PSME3IP1: variants seen among roughly 807,000 people sequenced by gnomAD.
PSME3IP1 encodes proteasome activator subunit 3 interacting protein 1, also known as PSME3-interacting protein.
PSME3IP1 carries 13 observed loss-of-function variants against 34.1 expected under a neutral mutation model. The observed-to-expected ratio is 0.38, with a 90% CI of 0.25 to 0.61. The LOEUF (loss-of-function observed/expected upper bound fraction) is 0.61, where lower values mean the gene tolerates loss of function less well. Among genes scored for constraint, PSME3IP1 ranks in the 20% least tolerant of loss-of-function variants. PSME3IP1 has a pLI of 0.60. For missense variants in PSME3IP1, 237 were observed against 301.4 expected, an observed-to-expected ratio of 0.79 and a Z score of 1.58; for synonymous variants, 93 against 114.3, an observed-to-expected ratio of 0.81 and a Z score of 1.19.
chr16:57,172,825 C>T lies in PSME3IP1; in HGVS notation c.177G>A (p.Gln59=). The T allele has an allele frequency of 1.2e-6, 2 of 1,613,888 alleles. No individual in the cohort carries two copies. Among genetic ancestry groups the T allele is most frequent in the South Asian group, 1.1e-5 (1 of 91,080 alleles). ...CCTGCTGCTTCCTGTCCTTCTGTTC[C>T]TGTAGCCTTTCATATAGAGATCGAG... The part of the protein sequence containing the change: ...YDPRSLYERL[Q]EQKDRKQQEY... The change falls in exon 3 of 7, where the codon CAG becomes CAA. Residue 59 remains glutamine (Q), a synonymous_variant. Coordinates refer to ENST00000309137, the MANE Select transcript of PSME3IP1 (RefSeq NM_024946.4).
At chr16:57,179,860 T>C (rs2073533540) in intron 1 of PSME3IP1, among the ~76,000 whole-genome samples, 1 of 152,244 alleles carries the variant, frequency 6.6e-6, no homozygotes, top group African/African-American at 2.4e-5. Context: ...CACACTGTAC[T>C]TCAAAATGCA....
intron 1 of PSME3IP1, among the ~76,000 whole-genome samples, chr16:57,178,209 C>A (rs2073370978): frequency 6.6e-6 from 1 of 152,208 alleles, no homozygotes; most frequent in African/African-American, 2.4e-5. Context: ...TTTGCTCAGG[C>A]TGTTCCCTCT....
intron 3 of PSME3IP1, 25 bp downstream of exon 3, chr16:57,172,751 G>A (rs1262922782): frequency 1.3e-6 from 2 of 1,535,228 alleles, no homozygotes; most frequent in Non-Finnish European, 1.8e-6. Context: ...AGAGCCCCTT[G>A]AACTCTCTGT....
At chr16:57,182,261 G>C (rs1445088885) in intron 1 of PSME3IP1, among the ~76,000 whole-genome samples, 1 of 151,972 alleles carries the variant, frequency 6.6e-6, no homozygotes, top group Admixed American at 6.6e-5. Context: ...TCAGAGTTCT[G>C]CAACACTGGT....
chr16:57,166,543 A>G (rs1057412825), intron 5 of PSME3IP1, among the ~76,000 whole-genome samples: 12 of 152,114 alleles, frequency 7.9e-5, no homozygotes, highest in South Asian at 2.1e-4. Context: ...CATCTTTCCA[A>G]TGGTTTCCCC....
intron 1 of PSME3IP1, chr16:57,185,567 C>T (rs1006531435): frequency 2.0e-6 from 2 of 985,422 alleles, no homozygotes; most frequent in African/African-American, 3.5e-5. Flanking sequence ...TGGGGAAACC[C>T]CATTAAACGC....
chr16:57,160,032 A>G (rs1359207426), intron 6 of PSME3IP1, among the ~76,000 whole-genome samples: 4 of 152,212 alleles, frequency 2.6e-5, no homozygotes, highest in Admixed American at 1.3e-4. Context: ...ATTAATTAAA[A>G]GAAAAATATT....
chr16:57,158,191 C>A (rs1338177803), intron 6 of PSME3IP1, among the ~76,000 whole-genome samples: 1 of 152,194 alleles, frequency 6.6e-6, no homozygotes, highest in Non-Finnish European at 1.5e-5. Flanking sequence ...TGGAACATAA[C>A]ATCAAACTAT....
intron 6 of PSME3IP1, 111 bp downstream of exon 6, chr16:57,163,890 G>A (rs1200323743): frequency 2.7e-6 from 3 of 1,115,838 alleles, no homozygotes; most frequent in East Asian, 4.8e-5. Context: ...AGCATAGGTA[G>A]GCTTGCTTGA....
Position 57,154,308 on chromosome 16 carries a change from G to C in PSME3IP1, c.747C>G (p.Thr249=). The change falls in exon 7 of 7, where the codon ACC becomes ACG. Residue 249 remains threonine (T), a synonymous_variant. Transcript: ENST00000309137. The surrounding 1 kb of genome is among the most constrained non-coding windows in gnomAD (Gnocchi z 4.0). Reference sequence around the variant, plus strand: ...GGAGAAACTAGGGGGCCTCGAGGAAGGTGTTGGTTCGGAAGATGGAGGAGA... The same window carrying C: ...GGAGAAACTAGGGGGCCTCGAGGAACGTGTTGGTTCGGAAGATGGAGGAGA... The part of the protein sequence containing the change: ...KIVSSIFRTN[T]FLEAP 6.2e-7 allele frequency: 1 copy of C among 1,614,090 alleles called. No homozygotes were observed. The highest frequency in any genetic ancestry group is 8.5e-7 in the Non-Finnish European group (1 of 1,180,024).
chr16:57,160,553 T>C (rs1306636947), intron 6 of PSME3IP1, among the ~76,000 whole-genome samples: 2 of 152,248 alleles, frequency 1.3e-5, no homozygotes, highest in Non-Finnish European at 2.9e-5. Flanking sequence ...ACCTGATAGA[T>C]CTGTGCATGT....
intron 4 of PSME3IP1, among the ~76,000 whole-genome samples, 160 bp downstream of exon 4, chr16:57,172,091 C>T (rs1044190581): frequency 3.9e-5 from 6 of 152,132 alleles, no homozygotes; most frequent in Non-Finnish European, 1.5e-5. Flanking sequence ...ACTCCACAAA[C>T]CACTACCAGC....
chr16:57,180,292 A>G (rs2073576472), intron 1 of PSME3IP1, among the ~76,000 whole-genome samples: 1 of 152,238 alleles, frequency 6.6e-6, no homozygotes, highest in Admixed American at 6.5e-5. Flanking sequence ...TATGAAACAC[A>G]TACAATAAGA....
intron 2 of PSME3IP1, 104 bp downstream of exon 2, chr16:57,173,624 G>C: frequency 7.1e-7 from 1 of 1,400,332 alleles, no homozygotes; most frequent in African/African-American, 1.5e-5. Context: ...GTGAGACTCC[G>C]TCTCAAAAAA....
intron 5 of PSME3IP1, among the ~76,000 whole-genome samples, chr16:57,165,458 T>C (rs1209383927): frequency 6.6e-6 from 1 of 152,230 alleles, no homozygotes; most frequent in East Asian, 1.9e-4. Flanking sequence ...AATAAAAGAA[T>C]AAACTAGAAG....
chr16:57,178,021 A>T (rs2073355432), intron 1 of PSME3IP1, among the ~76,000 whole-genome samples: 1 of 152,252 alleles, frequency 6.6e-6, no homozygotes, highest in Admixed American at 6.5e-5. Context: ...TAATAAAACT[A>T]ATATCATAAT....
intron 1 of PSME3IP1, among the ~76,000 whole-genome samples, chr16:57,180,498 G>A (rs1449271284): frequency 6.6e-6 from 1 of 152,116 alleles, no homozygotes; most frequent in Non-Finnish European, 1.5e-5. Context: ...GCTGAGGCAG[G>A]AGAATCGCTT....
intron 6 of PSME3IP1, among the ~76,000 whole-genome samples, chr16:57,158,781 T>C (rs1278440530): frequency 6.6e-6 from 1 of 152,192 alleles, no homozygotes; most frequent in Non-Finnish European, 1.5e-5. Context: ...CATCATAGAA[T>C]ACTTATACAA....
At chr16:57,157,743 G>C (rs906976317) in intron 6 of PSME3IP1, among the ~76,000 whole-genome samples, 6 of 152,042 alleles carry the variant, frequency 3.9e-5, no homozygotes, top group African/African-American at 1.4e-4. Context: ...ACCTAGCCTG[G>C]CCTAAATGTT....
Sources: allele counts gnomAD v4.1 joint callset (sites outside exome capture counted in the v4.1 genomes callset), GRCh38; gene constraint gnomAD v4.1.1; non-coding constraint Gnocchi (gnomAD v3.1); transcripts MANE v1.5; gene names NCBI Gene and HGNC (gene_info 2026-07-23, HGNC 2026-07-21).